Variants in NRXN3 observed in about 807,000 individuals in gnomAD.
NRXN3 encodes neurexin III.
In NRXN3, 32 loss-of-function variants were observed where a neutral mutation model predicts 137.6. The ratio of observed to expected loss-of-function variants is 0.23; its 90% CI spans 0.18 to 0.31. The LOEUF (loss-of-function observed/expected upper bound fraction) is 0.31, where lower values mean the gene tolerates loss of function less well. Among genes scored for constraint, NRXN3 ranks in the 10% least tolerant of loss-of-function variants. NRXN3 has a pLI of 1.00. For missense variants in NRXN3, 1,574 were observed against 2,062.5 expected (o/e 0.76, Z 4.59); for synonymous variants, 798 against 784.5 (o/e 1.02, Z -0.29).
At chr14:78,871,098 C>T (rs919565633) in intron 10 of NRXN3, among the ~76,000 whole-genome samples, 2 of 147,148 alleles carry the variant, frequency 1.4e-5, no homozygotes, top group African/African-American at 5.0e-5. Flanking sequence ...ATTACTAGAT[C>T]ATATGGTAGT....
intron 15 of NRXN3, among the ~76,000 whole-genome samples, chr14:79,007,115 A>C (rs2099554648): frequency 6.6e-6 from 1 of 152,196 alleles, no homozygotes; most frequent in Non-Finnish European, 1.5e-5. Context: ...GAAACTTTGG[A>C]TACTTTTATT....
At chr14:79,297,115 C>G (rs1317139822) in intron 15 of NRXN3, among the ~76,000 whole-genome samples, 1 of 152,234 alleles carries the variant, frequency 6.6e-6, no homozygotes, top group Non-Finnish European at 1.5e-5. Flanking sequence ...AGCACCTCCT[C>G]AAGGAAATCC....
intron 1 of NRXN3, among the ~76,000 whole-genome samples, chr14:78,179,115 A>G (rs1174383679): frequency 1.3e-5 from 2 of 152,100 alleles, no homozygotes; most frequent in Non-Finnish European, 2.9e-5. Context: ...GATGTTCAGA[A>G]GGAGTTACCT....
intron 19 of NRXN3, among the ~76,000 whole-genome samples, chr14:79,698,610 A>G (rs2098743493): frequency 6.6e-6 from 1 of 152,036 alleles, no homozygotes; most frequent in Admixed American, 6.6e-5. Flanking sequence ...GAAAGTAATT[A>G]TATCCAAACT....
At chr14:79,122,990 A>G (rs1258250680) in intron 15 of NRXN3, among the ~76,000 whole-genome samples, 1 of 152,242 alleles carries the variant, frequency 6.6e-6, no homozygotes, top group Non-Finnish European at 1.5e-5. Context: ...TAATGAAAAT[A>G]TAATCTTTAG....
At chr14:78,688,192 C>T (rs1386259737) in intron 6 of NRXN3, among the ~76,000 whole-genome samples, 1 of 152,014 alleles carries the variant, frequency 6.6e-6, no homozygotes, top group Non-Finnish European at 1.5e-5. Context: ...TGTTGAGAAC[C>T]CTCAAGTTCT....
chr14:79,246,043 A>G (rs1255709734), intron 15 of NRXN3, among the ~76,000 whole-genome samples: 1 of 152,198 alleles, frequency 6.6e-6, no homozygotes, highest in Admixed American at 6.5e-5. Context: ...GAGGAAAACA[A>G]ACCAAAAAGA....
At chr14:79,593,687 A>G (rs1446070936) in intron 16 of NRXN3, among the ~76,000 whole-genome samples, 2 of 151,968 alleles carry the variant, frequency 1.3e-5, no homozygotes, top group Non-Finnish European at 1.5e-5. Context: ...ACATGAACCT[A>G]AAAAGGCAAC....
intron 15 of NRXN3, among the ~76,000 whole-genome samples, chr14:79,239,472 AAGGTAAGGAGATCACTTAG>A (rs1186561255): frequency 6.6e-6 from 1 of 152,174 alleles, no homozygotes; most frequent in South Asian, 2.1e-4. Context: ...AAGGAAACAA[AAGGTAAGGAGATCACTTAG>A]AGGCTATTAC....
chr14:79,149,000 T>C (rs1042254407), intron 15 of NRXN3, among the ~76,000 whole-genome samples: 2 of 152,174 alleles, frequency 1.3e-5, no homozygotes, highest in African/African-American at 4.8e-5. Context: ...ACATCTTTTT[T>C]TCCATCCCCA....
At chr14:79,667,052 T>C (rs1221732377) in intron 17 of NRXN3, among the ~76,000 whole-genome samples, 2 of 152,042 alleles carry the variant, frequency 1.3e-5, no homozygotes, top group South Asian at 4.1e-4. Context: ...CCCTGTGCTA[T>C]TAAAAGGATC....
intron 20 of NRXN3, among the ~76,000 whole-genome samples, chr14:79,841,823 CAG>C (rs755554913): frequency 1.2e-4 from 18 of 152,144 alleles, no homozygotes; most frequent in East Asian, 1.9e-4. Flanking sequence ...TGTATTTTTT[CAG>C]AGAGTTTCTT....
At chr14:79,678,230 T>TCAAACCCCACTGC (rs2098651222) in intron 17 of NRXN3, among the ~76,000 whole-genome samples, 1 of 152,052 alleles carries the variant, frequency 6.6e-6, no homozygotes, top group Admixed American at 6.6e-5. Flanking sequence ...CTGTATACTT[T>TCAAACCCCACTGC]CAAACCCCAC....
At chr14:78,614,743 G>T (rs1250508249) in intron 4 of NRXN3, among the ~76,000 whole-genome samples, 2 of 152,174 alleles carry the variant, frequency 1.3e-5, no homozygotes, top group Non-Finnish European at 2.9e-5. Context: ...AATTCTTAAA[G>T]AATATAAGGC....
chr14:79,567,852 AAACACTCACTATAAGATAGT>A (rs1193699578), intron 16 of NRXN3, among the ~76,000 whole-genome samples: 1 of 152,128 alleles, frequency 6.6e-6, no homozygotes, highest in Admixed American at 6.6e-5. Flanking sequence ...CTGGCCCATG[AAACACTCACTATAAGATAGT>A]GTCAACTCAG....
At chr14:79,636,020 T>C (rs374091406) in intron 16 of NRXN3, among the ~76,000 whole-genome samples, 20 of 152,114 alleles carry the variant, frequency 1.3e-4, no homozygotes, top group African/African-American at 4.3e-4. Flanking sequence ...TTATGGGAAC[T>C]ACTATTCAAG....
At chr14:78,187,781 G>GTTTTTTTTTT (rs58649555) in intron 1 of NRXN3, among the ~76,000 whole-genome samples, 2 of 133,740 alleles carry the variant, frequency 1.5e-5, no homozygotes, top group Non-Finnish European at 3.1e-5. Context: ...GATTTTAGTT[G>GTTTTTTTTTT]TTTTTTTTTT....
At chr14:79,425,377 A>G (rs1050743156) in intron 15 of NRXN3, among the ~76,000 whole-genome samples, 10 of 152,134 alleles carry the variant, frequency 6.6e-5, no homozygotes, top group African/African-American at 2.2e-4. Context: ...CTTTTTTACT[A>G]TGAGGAGAAT....
At chr14:78,884,851 C>T (rs1299213424) in intron 10 of NRXN3, among the ~76,000 whole-genome samples, 3 of 152,036 alleles carry the variant, frequency 2.0e-5, no homozygotes, top group Non-Finnish European at 2.9e-5. Flanking sequence ...TCTCAGTTTT[C>T]TCATTTCTAC....
Sources: allele counts gnomAD v4.1 joint callset (sites outside exome capture counted in the v4.1 genomes callset), GRCh38; gene constraint gnomAD v4.1.1; transcripts MANE v1.5; gene names NCBI Gene and HGNC (gene_info 2026-07-23, HGNC 2026-07-21).